Variants in KPNB1 observed in about 807,000 individuals in gnomAD.
KPNB1 encodes the protein importin subunit beta-1.
KPNB1 carries 7 observed loss-of-function variants against 113.0 expected under a neutral mutation model. The observed-to-expected ratio is 0.06, with a 90% CI of 0.04 to 0.12. The LOEUF (loss-of-function observed/expected upper bound fraction) is 0.12. Among genes scored for constraint, KPNB1 ranks in the 10% least tolerant of loss-of-function variants. The pLI, the probability that KPNB1 is intolerant of heterozygous loss-of-function variation, is 1.00. For synonymous variants in KPNB1, 363 were observed against 378.6 expected, an observed-to-expected ratio of 0.96 and a Z score of 0.48; for missense variants, 400 against 1,054.8, an observed-to-expected ratio of 0.38 and a Z score of 8.60.
chr17:47,675,358 G>GTTTTTTTTTTTTTTTT (rs1555619221), intron 15 of KPNB1, among the ~76,000 whole-genome samples: 8 of 88,858 alleles, frequency 9.0e-5, no homozygotes, highest in African/African-American at 3.0e-4. Context: ...TGGCAGAGGT[G>GTTTTTTTTTTTTTTTT]TTGTTTTTTT....
Position 47,657,060 on chromosome 17 carries a change from A to C in KPNB1, c.483A>C (p.Ile161=). Residue 161 remains isoleucine, a splice_region_variant and synonymous_variant, in exon 4 of 22, where the codon ATA becomes ATC. Transcript: ENST00000290158. Reference sequence around the variant, plus strand: ...CCATCGGTTATATTTGCCAAGATATAGTAAGTGCTTGCCTAATGTATCTGG... The same window carrying C: ...CCATCGGTTATATTTGCCAAGATATCGTAAGTGCTTGCCTAATGTATCTGG... ...LEAIGYICQD[I]DPEQLQDKSN... 1 of 1,613,366 alleles carries C rather than the reference A, an allele frequency of 6.2e-7. No homozygotes were observed. The highest frequency in any genetic ancestry group is 8.5e-7 in the Non-Finnish European group (1 of 1,179,526).
At chr17:47,655,442 A>G (rs556481246) in intron 3 of KPNB1, among the ~76,000 whole-genome samples, 80 of 152,340 alleles carry the variant, frequency 5.3e-4, no homozygotes, top group Middle Eastern at 3.4e-3. Context: ...TCAGATTGGA[A>G]GTTATATAAA....
At chr17:47,679,993 G>A (rs777457413) in intron 19 of KPNB1, 27 bp from the exon 20 acceptor site, 3 of 1,533,794 alleles carry the variant, frequency 2.0e-6, no homozygotes, top group African/African-American at 1.4e-5. Context: ...CACCGCACCC[G>A]ACCAATACCT....
chr17:47,657,719 A>G (rs969237438), intron 4 of KPNB1, among the ~76,000 whole-genome samples: 4 of 152,238 alleles, frequency 2.6e-5, no homozygotes, highest in Non-Finnish European at 4.4e-5. Context: ...TGGGGAGGAA[A>G]GCGAATATTA....
intron 2 of KPNB1, 110 bp downstream of exon 2, chr17:47,650,554 G>GTCCCCCTCCCCCCC: frequency 4.5e-6 from 3 of 661,304 alleles, no homozygotes; most frequent in African/African-American, 2.8e-5. Flanking sequence ...GCCCCATCCC[G>GTCCCCCTCCCCCCC]TCCCCCTCCC....
chr17:47,675,382 T>G (rs972514868), intron 15 of KPNB1, among the ~76,000 whole-genome samples: 1 of 106,538 alleles, frequency 9.4e-6, no homozygotes, highest in Non-Finnish European at 1.9e-5. Context: ...GTTTTTTTTT[T>G]TTGTTTGTTT....
chr17:47,661,460 G>A (rs2030092842), intron 6 of KPNB1, among the ~76,000 whole-genome samples: 1 of 152,024 alleles, frequency 6.6e-6, no homozygotes, highest in African/African-American at 2.4e-5. Context: ...AAATTAGCTG[G>A]GTGTGGTGGC....
At chr17:47,652,925 C>G (rs373208490) in intron 3 of KPNB1, 49 bp downstream of exon 3, 57 of 1,411,126 alleles carry the variant, frequency 4.0e-5, no homozygotes, top group Admixed American at 4.9e-5. Flanking sequence ...AACAAGAAAT[C>G]GCTTTCTCAG....
Position 47,658,389 on chromosome 17 carries a change from A to G in KPNB1, c.484-119A>G, listed in dbSNP as rs956800354. On this transcript the variant is annotated intron_variant, in intron 4 of 21. Transcript: ENST00000290158. ...CACCTTTTGGTGCAGTACAGATGCA[A>G]CCATCCATTTTTTTTCCTCTAAATA... The G allele has an allele frequency of 6.5e-6, 7 of 1,085,210 alleles. No individual in the cohort carries two copies. The African/African-American group carries it at 1.1e-4, about 17-fold the overall frequency. The allele number at this position is 1,085,210 out of a possible 1,614,324, so 67.2% of individuals were successfully genotyped here. A position where few individuals can be genotyped will look rare whatever the true frequency, so the allele number is the denominator to read the frequency against.
In KPNB1 at chr17:47,668,398, A is replaced by G. The variant is rs1468075191; in HGVS notation, c.1212A>G (p.Pro404=). The G allele has an allele frequency of 3.7e-6, 6 of 1,613,922 alleles. No individual in the cohort carries two copies. The highest frequency in any genetic ancestry group is 5.1e-6 in the Non-Finnish European group (6 of 1,179,752). Residue 404 remains proline (P), a synonymous_variant, in exon 10 of 22, where the codon CCA becomes CCG. Transcript: ENST00000290158. The part of the protein sequence containing the change: ...LEGPEPSQLK[P]LVIQAMPTLI... ...GACCAGAGCCCAGTCAGCTCAAACCACTAGTTATACAGGTGAAACTGAGGG... is the reference window on the plus strand; with the variant it reads ...GACCAGAGCCCAGTCAGCTCAAACCGCTAGTTATACAGGTGAAACTGAGGG...
chr17:47,659,909 A>T (rs4264433), intron 5 of KPNB1, among the ~76,000 whole-genome samples: 79,677 of 150,832 alleles, frequency 0.53, 21,360 homozygotes, highest in East Asian at 0.66. Context: ...AAAAAAAAAA[A>T]ATATATATAT....
rs2030863150 is a variant in KPNB1, at chr17:47,683,656, T to C, written c.*1252T>C. On this transcript the variant is annotated 3_prime_UTR_variant, in exon 22 of 22. Transcript: ENST00000290158. ...GGAAACTGCTTGGCCTTCTGTTCTT[T>C]TATTTGATTGACTACAATGCGGTAT... The C allele has an allele frequency of 6.6e-6, 1 of 152,614 alleles. No individual in the cohort carries two copies. The allele number at this position is 152,614 out of a possible 1,614,324, so 9.5% of individuals were successfully genotyped here. A position where few individuals can be genotyped will look rare whatever the true frequency, so the allele number is the denominator to read the frequency against.
At chr17:47,674,266 T>C (rs981248965) in intron 14 of KPNB1, among the ~76,000 whole-genome samples, 1 of 152,198 alleles carries the variant, frequency 6.6e-6, no homozygotes, top group Non-Finnish European at 1.5e-5. Context: ...TTTGTTTGTT[T>C]TATGAATAAG....
chr17:47,669,295 G>A (rs553082955), intron 10 of KPNB1, among the ~76,000 whole-genome samples: 4 of 152,204 alleles, frequency 2.6e-5, no homozygotes, highest in South Asian at 2.1e-4. Context: ...TAGAGAGACC[G>A]GGTTTCATCA....
intron 12 of KPNB1, among the ~76,000 whole-genome samples, chr17:47,671,286 G>C (rs552334675): frequency 6.6e-6 from 1 of 152,144 alleles, no homozygotes; most frequent in Non-Finnish European, 1.5e-5. Flanking sequence ...TTGATTGATT[G>C]GTTTGTTTAA....
Position 47,670,915 on chromosome 17 carries a change from A to G in KPNB1, c.1547+83A>G, listed in dbSNP as rs1567892771. The stretch of plus-strand genomic sequence containing the variant: ...TGTGTGGAGGATATCTAGCTTAATC[A>G]TAGAAGCATAATGAGACAGGACAAG... On this transcript the variant is annotated intron_variant, in intron 12 of 21. Coordinates refer to ENST00000290158, the MANE Select transcript of KPNB1 (RefSeq NM_002265.6). 10 of 1,222,138 alleles carry G rather than the reference A, an allele frequency of 8.2e-6. 1 individual carries two copies. The East Asian group carries it at 1.4e-4, about 17-fold the overall frequency. The allele number at this position is 1,222,138 out of a possible 1,614,324, so 75.7% of individuals were successfully genotyped here.
At chr17:47,679,085 A>ATTT (rs370136574) in intron 19 of KPNB1, among the ~76,000 whole-genome samples, 13 of 138,968 alleles carry the variant, frequency 9.4e-5, no homozygotes, top group Admixed American at 5.8e-4. Flanking sequence ...ATGCCCAGCT[A>ATTT]TTTTTTTTTT....
At chr17:47,670,670 C>T (rs1191270974) in intron 11 of KPNB1, 32 bp from the exon 12 acceptor site, 2 of 1,567,264 alleles carry the variant, frequency 1.3e-6, no homozygotes, top group African/African-American at 2.7e-5. Flanking sequence ...GGGGTTCTTT[C>T]AGGATTAACA....
rs1201444565 is a variant in KPNB1, at chr17:47,683,657, T to C, written c.*1253T>C. 6.6e-6 allele frequency: 1 copy of C among 152,476 alleles called. No homozygotes were observed. The highest frequency in any genetic ancestry group is 1.5e-5 in the Non-Finnish European group (1 of 68,014). The allele number at this position is 152,476 out of a possible 1,614,324, so 9.4% of individuals were successfully genotyped here. On this transcript the variant is annotated 3_prime_UTR_variant, in exon 22 of 22. Coordinates refer to ENST00000290158, the MANE Select transcript of KPNB1 (RefSeq NM_002265.6). ...GAAACTGCTTGGCCTTCTGTTCTTT[T>C]ATTTGATTGACTACAATGCGGTATT...
Sources: gnomAD v4.1 joint callset for allele counts (sites outside exome capture counted in the v4.1 genomes callset) on GRCh38, gnomAD v4.1.1 for gene constraint, MANE v1.5 for transcripts, NCBI Gene and HGNC (gene_info 2026-07-23, HGNC 2026-07-21) for gene names.